CDH4: variants seen among roughly 807,000 people sequenced by gnomAD.
CDH4 encodes cadherin-4.
A neutral mutation model predicts 86.0 loss-of-function variants in CDH4; 33 were observed. That is an observed-to-expected ratio of 0.38 (90% CI 0.29 to 0.51). CDH4 has a LOEUF of 0.51. Ranked by LOEUF, CDH4 falls within the 20% of genes least tolerant of loss-of-function variation. CDH4 has a pLI of 0.86. For missense variants in CDH4, 1,114 were observed against 1,307.4 expected (o/e 0.85, Z 2.28); for synonymous variants, 555 against 549.4 (o/e 1.01, Z -0.14).
intron 2 of CDH4, among the ~76,000 whole-genome samples, chr20:61,741,626 G>A (rs1017757145): frequency 1.3e-5 from 2 of 152,070 alleles, no homozygotes; most frequent in South Asian, 4.2e-4. Context: ...CGAGTAGCTG[G>A]GACTACAGGC....
At chr20:61,877,974 C>T (rs1338256089) in intron 7 of CDH4, among the ~76,000 whole-genome samples, 1 of 152,152 alleles carries the variant, frequency 6.6e-6, no homozygotes, top group Non-Finnish European at 1.5e-5. Flanking sequence ...CAGACTGTGA[C>T]AGGGTCATCA....
At chr20:61,715,416 G>A (rs2087942207) in intron 2 of CDH4, among the ~76,000 whole-genome samples, 2 of 152,152 alleles carry the variant, frequency 1.3e-5, no homozygotes, top group Non-Finnish European at 2.9e-5. Flanking sequence ...CCATGGCTTT[G>A]GCACCTGGTG....
At position 61,254,904 on chromosome 20, in the gene CDH4, C is replaced by A. The variant is rs1334365667; in HGVS notation, c.136C>A (p.Gln46Lys). 6.2e-7 allele frequency: 1 copy of A among 1,610,408 alleles called. No homozygotes were observed. Among genetic ancestry groups the A allele is most frequent in the Non-Finnish European group, 8.5e-7 (1 of 1,176,880 alleles). ...AGATGATTACACGGCATTAATCTCC[C>A]AAAATATTCTAGAAGGGGAAAAGCT... Reference protein sequence around the residue: ...SEDDYTALISQNILEGEKLLQ... With the variant: ...SEDDYTALISKNILEGEKLLQ... Residue 46 changes from glutamine to lysine, a missense_variant, in exon 2 of 16, where the codon CAA (glutamine) becomes AAA (lysine). Physicochemically the swap from Gln to Lys is moderately conservative, Grantham distance 53. Coordinates refer to ENST00000614565, the MANE Select transcript of CDH4 (RefSeq NM_001794.5).
intron 2 of CDH4, among the ~76,000 whole-genome samples, chr20:61,629,220 G>C (rs189673434): frequency 6.6e-6 from 1 of 152,152 alleles, no homozygotes; most frequent in Non-Finnish European, 1.5e-5. Flanking sequence ...AGGCCAGGCG[G>C]TGCAGGCCAG....
At chr20:61,928,101 G>T in intron 11 of CDH4, 89 bp from the exon 12 acceptor site, 1 of 992,162 alleles carries the variant, frequency 1.0e-6, no homozygotes, top group Non-Finnish European at 1.6e-6. Context: ...GTTGCACGTG[G>T]TTGTTTGTGT....
At chr20:61,397,291 C>T (rs1263626637) in intron 2 of CDH4, among the ~76,000 whole-genome samples, 1 of 152,028 alleles carries the variant, frequency 6.6e-6, no homozygotes, top group African/African-American at 2.4e-5. Context: ...TTTCTTGCGA[C>T]GAATGGAGGA....
At chr20:61,698,295 C>T (rs1428861099) in intron 2 of CDH4, among the ~76,000 whole-genome samples, 1 of 152,262 alleles carries the variant, frequency 6.6e-6, no homozygotes, top group Non-Finnish European at 1.5e-5. Context: ...CCAGATCCGT[C>T]CTGCTGGTGC....
At chr20:61,342,201 GAC>G (rs879515038) in intron 2 of CDH4, among the ~76,000 whole-genome samples, 1 of 152,228 alleles carries the variant, frequency 6.6e-6, no homozygotes, top group Non-Finnish European at 1.5e-5. Flanking sequence ...TTTCATGGAA[GAC>G]AGTTTTTCCA....
chr20:61,343,464 A>G (rs2084659710), intron 2 of CDH4, among the ~76,000 whole-genome samples: 2 of 152,224 alleles, frequency 1.3e-5, no homozygotes, highest in African/African-American at 4.8e-5. Flanking sequence ...TCTGCTGTGT[A>G]TCAGTGTTGG....
At chr20:61,793,990 A>AG (rs1979379728) in intron 4 of CDH4, among the ~76,000 whole-genome samples, 1 of 149,884 alleles carries the variant, frequency 6.7e-6, no homozygotes, top group Admixed American at 6.7e-5. Flanking sequence ...TACAAAAAAA[A>AG]AAATTAGCTG....
intron 2 of CDH4, among the ~76,000 whole-genome samples, chr20:61,736,632 G>GAGGA (rs943426031): frequency 1.2e-4 from 18 of 149,032 alleles, no homozygotes; most frequent in South Asian, 4.2e-4. Context: ...GGGAGGGAGG[G>GAGGA]AGGAAGGAAG....
At chr20:61,721,671 C>A (rs1420443129) in intron 2 of CDH4, among the ~76,000 whole-genome samples, 1 of 152,128 alleles carries the variant, frequency 6.6e-6, no homozygotes, top group Non-Finnish European at 1.5e-5. Context: ...CCCCTTGGGG[C>A]AGTGTTGTTG....
chr20:61,734,128 G>A (rs1199906120), intron 2 of CDH4, among the ~76,000 whole-genome samples: 2 of 152,156 alleles, frequency 1.3e-5, no homozygotes, highest in African/African-American at 2.4e-5. Context: ...GCGCGATGCC[G>A]AGTCTCCACA....
At chr20:61,364,963 C>T (rs2084803340) in intron 2 of CDH4, among the ~76,000 whole-genome samples, 1 of 152,178 alleles carries the variant, frequency 6.6e-6, no homozygotes, top group African/African-American at 2.4e-5. Context: ...TAAGGAGCCC[C>T]CAGGGGATCC....
chr20:61,618,540 C>T (rs764160608), intron 2 of CDH4, among the ~76,000 whole-genome samples: 29 of 152,148 alleles, frequency 1.9e-4, no homozygotes, highest in Non-Finnish European at 2.8e-4. Flanking sequence ...GGAATGGGAC[C>T]CCGGCCTGTG....
intron 2 of CDH4, among the ~76,000 whole-genome samples, chr20:61,688,820 A>C (rs979546714): frequency 1.3e-5 from 2 of 152,244 alleles, no homozygotes; most frequent in African/African-American, 4.8e-5. Flanking sequence ...AATGCAGAAA[A>C]ATTTCACACA....
At chr20:61,632,493 C>G (rs976653525) in intron 2 of CDH4, among the ~76,000 whole-genome samples, 1 of 152,128 alleles carries the variant, frequency 6.6e-6, no homozygotes, top group African/African-American at 2.4e-5. Context: ...CGGGAAATGA[C>G]TTTCACACAG....
chr20:61,749,795 T>C (rs2088466448), intron 3 of CDH4, among the ~76,000 whole-genome samples: 2 of 152,220 alleles, frequency 1.3e-5, no homozygotes, highest in Admixed American at 1.3e-4. Context: ...GCGTGGTGGC[T>C]CGTGCCTGTA....
chr20:61,415,503 C>T (rs182726802), intron 2 of CDH4, among the ~76,000 whole-genome samples: 3 of 152,218 alleles, frequency 2.0e-5, no homozygotes, highest in Admixed American at 1.3e-4. Context: ...CAACCTGAAA[C>T]TCCATCCCCA....
Sources: gnomAD v4.1 joint callset for allele counts (sites outside exome capture counted in the v4.1 genomes callset) on GRCh38, gnomAD v4.1.1 for gene constraint, MANE v1.5 for transcripts, NCBI Gene and HGNC (gene_info 2026-07-23, HGNC 2026-07-21) for gene names.